RIMS1: variants seen among roughly 807,000 people sequenced by gnomAD.
RIMS1 encodes the protein regulating synaptic membrane exocytosis 1.
RIMS1 carries 83 observed loss-of-function variants against 214.1 expected under a neutral mutation model. That is an observed-to-expected ratio of 0.39 (90% CI 0.32 to 0.47). The LOEUF (loss-of-function observed/expected upper bound fraction) is 0.47. RIMS1 is among the 20% of genes least tolerant of loss of function. The probability of loss-of-function intolerance (pLI) is 0.99; values close to 1 mark genes in which losing one functional copy is unlikely to be tolerated. For synonymous variants in RIMS1, 793 were observed against 786.8 expected (o/e 1.01, Z -0.13); for missense variants, 2,050 against 2,161.8 (o/e 0.95, Z 1.03).
At chr6:71,949,747 T>C (rs1561949473) in intron 1 of RIMS1, among the ~76,000 whole-genome samples, 1 of 152,204 alleles carries the variant, frequency 6.6e-6, no homozygotes, top group Non-Finnish European at 1.5e-5. Flanking sequence ...TAACTGGAAT[T>C]CTTTTACACT....
intron 19 of RIMS1, chr6:72,263,568 C>A: frequency 1.0e-6 from 1 of 985,146 alleles, no homozygotes; most frequent in Admixed American, 6.2e-5. Context: ...AAAAAAAAAT[C>A]ACTTTTGAAG....
intron 2 of RIMS1, among the ~76,000 whole-genome samples, chr6:72,082,043 A>T (rs1191022107): frequency 6.6e-6 from 1 of 152,204 alleles, no homozygotes; most frequent in African/African-American, 2.4e-5. Context: ...CTGTGCAAGT[A>T]AAATTCAGGA....
At chr6:72,173,752 T>C (rs1471715891) in intron 4 of RIMS1, among the ~76,000 whole-genome samples, 3 of 152,192 alleles carry the variant, frequency 2.0e-5, no homozygotes, top group Non-Finnish European at 4.4e-5. Flanking sequence ...TTAGTGTTCC[T>C]TGATTAGCCA....
At chr6:72,022,122 G>A (rs1562134154) in intron 2 of RIMS1, among the ~76,000 whole-genome samples, 1 of 152,254 alleles carries the variant, frequency 6.6e-6, no homozygotes, top group East Asian at 1.9e-4. Flanking sequence ...AAAGAACTAT[G>A]AAGTGTTAAT....
chr6:71,908,739 A>G lies in RIMS1; in HGVS notation c.164+21552A>G, dbSNP rs191740378. Among the ~76,000 whole-genome samples the G allele has an allele frequency of 2.0e-3, 309 of 152,302 alleles. 1 individual carries two copies. The highest frequency in any genetic ancestry group is 7.0e-3 in the African/African-American group (291 of 41,568). On this transcript the variant is annotated intron_variant, in intron 1 of 33. Coordinates refer to ENST00000521978, the MANE Select transcript of RIMS1 (RefSeq NM_014989.7). ...TATTTTCCCTTCAGCATGATGTTAC[A>G]ATATGTTTTGTTCAAGCCTAAATGA... is the stretch of plus-strand genomic sequence containing the variant.
intron 4 of RIMS1, among the ~76,000 whole-genome samples, chr6:72,107,592 A>G (rs2035026482): frequency 6.6e-6 from 1 of 151,994 alleles, no homozygotes; most frequent in Non-Finnish European, 1.5e-5. Flanking sequence ...AAGAAATGAA[A>G]TACTAAGTTA....
intron 2 of RIMS1, among the ~76,000 whole-genome samples, chr6:71,984,793 CTA>C (rs1799457623): frequency 6.6e-6 from 1 of 151,646 alleles, no homozygotes; most frequent in Non-Finnish European, 1.5e-5. Flanking sequence ...ATCTATCTAT[CTA>C]TCTATCTATC....
In RIMS1 at chr6:72,182,314, T is replaced by A. The variant is rs1693603486; in HGVS notation, c.843T>A (p.Asn281Lys). The A allele has an allele frequency of 1.2e-6, 2 of 1,604,952 alleles. No homozygotes were observed. The highest frequency in any genetic ancestry group is 1.7e-4 in the Middle Eastern group (1 of 5,946). ...AGACCCCAGGGCTTTCCGAGCAGAA[T>A]GGCAAAGGAGCCCTGAAGAGCGAGC... Reference protein sequence around the residue: ...RKKTPGLSEQNGKGALKSERK... With the variant: ...RKKTPGLSEQKGKGALKSERK... The change falls in exon 6 of 34, where the codon AAT becomes AAA. Residue 281 changes from asparagine (N) to lysine (K), a missense_variant. Asn to Lys is a moderately conservative substitution (Grantham distance 94). This residue lies in a region of RIMS1 where 882 missense variants were observed against 828.9 expected (regional missense o/e 1.06). Coordinates refer to ENST00000521978, the MANE Select transcript of RIMS1 (RefSeq NM_014989.7).
rs186721703 is a variant in RIMS1, at chr6:72,304,883, A to G, written c.3851-2375A>G. Among the ~76,000 whole-genome samples the G allele has an allele frequency of 1.4e-3, 207 of 152,100 alleles. 1 individual carries two copies. In the East Asian group the frequency reaches 0.031, roughly 23 times the overall value. ...ATCCGAGAGCAAGAGTGAGGATAGC[A>G]TAGCAACTACATCTTTGATTGAGAG... On this transcript the variant is annotated intron_variant, in intron 26 of 33. Transcript: ENST00000521978.
chr6:71,889,673 A>G (rs1222523375), intron 1 of RIMS1, among the ~76,000 whole-genome samples: 1 of 152,144 alleles, frequency 6.6e-6, no homozygotes, highest in Non-Finnish European at 1.5e-5. Flanking sequence ...GGGACACTTT[A>G]TGTCTTAAAA....
intron 29 of RIMS1, among the ~76,000 whole-genome samples, chr6:72,382,825 C>G (rs1283748937): frequency 6.6e-6 from 1 of 152,198 alleles, no homozygotes; most frequent in Non-Finnish European, 1.5e-5. Context: ...CACCCTGCCT[C>G]CATCCGTCCT....
intron 4 of RIMS1, among the ~76,000 whole-genome samples, chr6:72,109,572 T>C (rs1010230841): frequency 9.3e-5 from 14 of 150,960 alleles, no homozygotes; most frequent in African/African-American, 2.7e-4. Context: ...TGTAAATTTG[T>C]TTGAGTTCAT....
intron 1 of RIMS1, among the ~76,000 whole-genome samples, chr6:71,905,287 G>C (rs1774936441): frequency 6.6e-6 from 1 of 151,940 alleles, no homozygotes; most frequent in Non-Finnish European, 1.5e-5. Context: ...GAAAAATTAA[G>C]ACAAACAACT....
intron 2 of RIMS1, among the ~76,000 whole-genome samples, chr6:72,022,168 T>C (rs1426407485): frequency 6.6e-6 from 1 of 152,224 alleles, no homozygotes; most frequent in African/African-American, 2.4e-5. Flanking sequence ...ATGTTTTAAC[T>C]TTAAGCTATA....
intron 2 of RIMS1, among the ~76,000 whole-genome samples, chr6:72,078,955 C>A (rs980685367): frequency 1.3e-5 from 2 of 152,100 alleles, no homozygotes; most frequent in African/African-American, 4.8e-5. Flanking sequence ...AGGAAGTTAA[C>A]TTTATCACAT....
At chr6:71,963,003 C>T (rs894644933) in intron 1 of RIMS1, among the ~76,000 whole-genome samples, 18 of 152,016 alleles carry the variant, frequency 1.2e-4, no homozygotes, top group Admixed American at 2.6e-4. Context: ...TGTAATATTT[C>T]GTGAATATGG....
rs574827183 is a variant in RIMS1, at chr6:72,184,743, T to C, written c.1678+1594T>C. On this transcript the variant is annotated intron_variant, in intron 6 of 33. Transcript: ENST00000521978. ...GATATGTGCCTGAACAGGTTTTTAATGCAAGGTGCTTTATTCTGGGAAAAA... is the reference window on the plus strand; with the variant it reads ...GATATGTGCCTGAACAGGTTTTTAACGCAAGGTGCTTTATTCTGGGAAAAA... Among the ~76,000 whole-genome samples the C allele has an allele frequency of 3.0e-4, 43 of 142,236 alleles. No individual in the cohort carries two copies. The South Asian group carries it at 9.7e-3, about 32-fold the overall frequency. 93.3% of individuals were successfully genotyped at this position (142,236 alleles called of 152,430 possible).
intron 2 of RIMS1, among the ~76,000 whole-genome samples, chr6:72,016,796 A>T (rs1372967322): frequency 6.6e-6 from 1 of 152,198 alleles, no homozygotes; most frequent in East Asian, 1.9e-4. Context: ...ATGTGAACAC[A>T]AAGTAGATGA....
chr6:72,395,200 C>G (rs1397242568), intron 31 of RIMS1, among the ~76,000 whole-genome samples: 1 of 151,806 alleles, frequency 6.6e-6, no homozygotes, highest in African/African-American at 2.4e-5. Flanking sequence ...CTAATAGGAG[C>G]CTAAAAAGAG....
Sources: allele counts gnomAD v4.1 joint callset (sites outside exome capture counted in the v4.1 genomes callset), GRCh38; gene constraint gnomAD v4.1.1; regional missense constraint gnomAD v4.1.1; transcripts MANE v1.5; gene names NCBI Gene and HGNC (gene_info 2026-07-23, HGNC 2026-07-21).